The following ANGEL2 variants were observed in gnomAD, a reference collection of about 807,000 sequenced individuals.
ANGEL2 encodes RNA 2',3'-cyclic phosphatase ANGEL2.
ANGEL2 carries 41 observed loss-of-function variants against 66.0 expected under a neutral mutation model. The ratio of observed to expected loss-of-function variants is 0.62; its 90% confidence interval spans 0.48 to 0.81. The LOEUF (loss-of-function observed/expected upper bound fraction) is 0.81. Ranked by LOEUF, ANGEL2 falls within the 30% of genes least tolerant of loss-of-function variation. ANGEL2 has a pLI of 0.00. For synonymous variants in ANGEL2, 208 were observed against 226.5 expected (o/e 0.92, Z 0.73); for missense variants, 561 against 641.6 (o/e 0.87, Z 1.36).
chr1:213,011,683 T>G (rs1403197234), intron 2 of ANGEL2, among the ~76,000 whole-genome samples: 1 of 152,192 alleles, frequency 6.6e-6, no homozygotes, highest in Non-Finnish European at 1.5e-5. Flanking sequence ...AGAGGTTAAG[T>G]AAGCTGTCCA....
At chr1:213,010,027 G>A (rs1031657414) in intron 2 of ANGEL2, among the ~76,000 whole-genome samples, 16 of 149,348 alleles carry the variant, frequency 1.1e-4, no homozygotes, top group African/African-American at 3.7e-4. Flanking sequence ...CTCCAGCCTG[G>A]GCAACAAGAG....
In ANGEL2 at chr1:213,013,559, G is replaced by A. The variant is rs897146928; in HGVS notation, c.60-141C>T. The A allele has an allele frequency of 1.7e-5, 13 of 780,448 alleles. No homozygotes were observed. The Admixed American group carries it at 2.1e-4, about 13-fold the overall frequency. The allele number at this position is 780,448 out of a possible 1,614,324, so 48.3% of individuals were successfully genotyped here. Reference sequence around the variant, plus strand: ...AAATCTGTGAAGGATGAAGAGGAAAGCACCCATGATTTACCTATTGGCATC... The same window carrying A: ...AAATCTGTGAAGGATGAAGAGGAAAACACCCATGATTTACCTATTGGCATC... On this transcript the variant is annotated intron_variant, in intron 1 of 8. Transcript: ENST00000366962.
chr1:213,009,821 C>T (rs1279875807), intron 2 of ANGEL2, among the ~76,000 whole-genome samples: 1 of 152,092 alleles, frequency 6.6e-6, no homozygotes, highest in African/African-American at 2.4e-5. Context: ...GAGGCTGAGG[C>T]GGGTGGATCA....
chr1:213,015,297 C>T, intron 1 of ANGEL2: 1 of 1,287,456 alleles, frequency 7.8e-7, no homozygotes, highest in Non-Finnish European at 9.9e-7. Context: ...AGCAGGCCAG[C>T]GCTGGTCTGG....
Position 212,992,842 on chromosome 1 carries a change from GTAAT to G in ANGEL2, c.*2195_*2198del, listed in dbSNP as rs760907113. 1.3e-5 allele frequency: 2 copies of G among 152,136 alleles called. No homozygotes were observed. Among genetic ancestry groups the G allele is most frequent in the Non-Finnish European group, 2.9e-5 (2 of 68,020 alleles). The allele number at this position is 152,136 out of a possible 1,614,324, so 9.4% of individuals were successfully genotyped here. On this transcript the variant is annotated 3_prime_UTR_variant, in exon 9 of 9. Coordinates refer to ENST00000366962, the MANE Select transcript of ANGEL2 (RefSeq NM_144567.5). ...TAATAAATTCACACAACACAAAGCA[GTAAT>G]TAACTAATGAATTTTCATTTTTCTT...
intron 2 of ANGEL2, among the ~76,000 whole-genome samples, chr1:213,009,122 G>A (rs1450561857): frequency 6.6e-6 from 1 of 152,180 alleles, no homozygotes; most frequent in African/African-American, 2.4e-5. Flanking sequence ...GTAAATGATG[G>A]CTAACCAACA....
intron 3 of ANGEL2, 77 bp from the exon 4 acceptor site, chr1:213,007,275 T>C: frequency 1.7e-6 from 2 of 1,151,940 alleles, no homozygotes; most frequent in South Asian, 3.5e-5. Flanking sequence ...TCTTAAAATA[T>C]CTAAAAGCAG....
chr1:213,007,169 A>G lies in ANGEL2; in HGVS notation c.672T>C (p.Asp224=), dbSNP rs1271694471. 1.3e-6 allele frequency: 2 copies of G among 1,596,976 alleles called. No homozygotes were observed. Among genetic ancestry groups the G allele is most frequent in the African/African-American group, 2.7e-5 (2 of 73,432 alleles). Residue 224 remains aspartate (D), a synonymous_variant, in exon 4 of 9, where the codon GAT becomes GAC. Coordinates refer to ENST00000366962, the MANE Select transcript of ANGEL2 (RefSeq NM_144567.5). Reference sequence around the variant, plus strand: ...TTGGCCTGATCTCTGCTCCATAATGATCTTCTTGAACTTCTTGCAAACAAA... The same window carrying G: ...TTGGCCTGATCTCTGCTCCATAATGGTCTTCTTGAACTTCTTGCAAACAAA... ...DVLCLQEVQE[D]HYGAEIRPSL...
In ANGEL2 at chr1:213,015,750, A is replaced by G. The variant is rs1453862312; in HGVS notation, c.-79T>C. 4 of 1,596,456 alleles carry G rather than the reference A, an allele frequency of 2.5e-6. No homozygotes were observed. The highest frequency in any genetic ancestry group is 3.4e-6 in the Non-Finnish European group (4 of 1,165,428). On this transcript the variant is annotated 5_prime_UTR_variant, in exon 1 of 9. Coordinates refer to ENST00000366962, the MANE Select transcript of ANGEL2 (RefSeq NM_144567.5). ...TATAATCGATGCGACGGCCTAAAGT[A>G]TCTAGGGAACCCCATCACTCTTAAG...
rs2075925386 is a variant in ANGEL2 at position 212,993,935 on chromosome 1, C to T, written c.*1106G>A. 1 of 152,156 alleles carries T rather than the reference C, an allele frequency of 6.6e-6. No homozygotes were observed. The highest frequency in any genetic ancestry group is 2.4e-5 in the African/African-American group (1 of 41,432). The allele number at this position is 152,156 out of a possible 1,614,324, so 9.4% of individuals were successfully genotyped here. On this transcript the variant is annotated 3_prime_UTR_variant, in exon 9 of 9. Transcript: ENST00000366962. ...CCTAATAAAATAAATTTCTATAGAA[C>T]TGGTTCAGTAAAATAAAATCTCTCC...
At position 213,008,320 on chromosome 1, in the gene ANGEL2, C is replaced by G. The variant is rs768534832; in HGVS notation, c.532G>C (p.Asp178His). The change falls in exon 3 of 9, where the codon GAT (aspartate) becomes CAT (histidine). Residue 178 changes from aspartate (D) to histidine (H), a missense_variant. Physicochemically the swap from Asp to His is moderately conservative, Grantham distance 81. Coordinates refer to ENST00000366962, the MANE Select transcript of ANGEL2 (RefSeq NM_144567.5). Reference protein sequence around the residue: ...SVMSYNILSQDLLEDNSHLYR... With the variant: ...SVMSYNILSQHLLEDNSHLYR... ...AGGTGAGAGTTATCTTCCAGTAAAT[C>G]TTGTGAAAGTATATTATAGGACATC... 1.2e-6 allele frequency: 2 copies of G among 1,614,076 alleles called. No homozygotes were observed. Among genetic ancestry groups the G allele is most frequent in the African/African-American group, 2.7e-5 (2 of 74,938 alleles).
chr1:213,013,290 C>G lies in ANGEL2; in HGVS notation c.188G>C (p.Arg63Pro). The change falls in exon 2 of 9, where the codon CGA (arginine) becomes CCA (proline). Residue 63 changes from arginine to proline, a missense_variant. By Grantham distance (103) the Arg-to-Pro change is moderately radical (BLOSUM62 -2). Coordinates refer to ENST00000366962, the MANE Select transcript of ANGEL2 (RefSeq NM_144567.5). ...SCMRWPGHYS[R>P]APYPYFSSRH... ...ACTACTGAAGTATGGGTAAGGAGCT[C>G]GAGAGTAATGTCCAGGCCACCTCAT... 5 of 1,614,094 alleles carry G rather than the reference C, an allele frequency of 3.1e-6. No individual in the cohort carries two copies. The highest frequency in any genetic ancestry group is 3.4e-6 in the Non-Finnish European group (4 of 1,180,010).
chr1:213,012,599 G>A (rs1463419397), intron 2 of ANGEL2, among the ~76,000 whole-genome samples: 4 of 152,178 alleles, frequency 2.6e-5, no homozygotes, highest in African/African-American at 7.2e-5. Flanking sequence ...ATATACAGAT[G>A]TAATAAATGA....
At chr1:213,000,758 A>T (rs757752786) in intron 6 of ANGEL2, 28 bp downstream of exon 6, 2 of 1,582,156 alleles carry the variant, frequency 1.3e-6, no homozygotes, top group Admixed American at 4.1e-5. Flanking sequence ...TACCCAGCAG[A>T]CTGCCAAAAT....
chr1:212,997,189 G>A lies in ANGEL2; in HGVS notation c.1449C>T (p.Tyr483=). 6.2e-7 allele frequency: 1 copy of A among 1,613,772 alleles called. No individual in the cohort carries two copies. The highest frequency in any genetic ancestry group is 8.5e-7 in the Non-Finnish European group (1 of 1,179,736). Residue 483 remains tyrosine, a synonymous_variant, in exon 8 of 9, where the codon TAC becomes TAT. Transcript: ENST00000366962. ...CAGCAACATCTTCCTTTTCTGCAGAGTAGAAAATATAATCCACAGTTATGG... is the reference window on the plus strand; with the variant it reads ...CAGCAACATCTTCCTTTTCTGCAGAATAGAAAATATAATCCACAGTTATGG... The part of the protein sequence containing the change: ...RSAITVDYIF[Y]SAEKEDVAGH...
chr1:213,011,093 G>A (rs2076496226), intron 2 of ANGEL2: 2 of 1,067,112 alleles, frequency 1.9e-6, no homozygotes, highest in Admixed American at 2.8e-5. Context: ...TTACAGAAAT[G>A]TGTTCAAATA....
In ANGEL2 at chr1:212,995,987, A is replaced by G. The variant is rs763767312; in HGVS notation, c.1484-795T>C. ...AATCTTAAACTGCATTTTCTTCTCC[A>G]CTTTAAATCCTTTGGCTAATGTTTA... is the stretch of plus-strand genomic sequence containing the variant. On this transcript the variant is annotated intron_variant, in intron 8 of 8. Coordinates refer to ENST00000366962, the MANE Select transcript of ANGEL2 (RefSeq NM_144567.5). Among the ~76,000 whole-genome samples, 107 of 152,232 alleles carry G rather than the reference A, an allele frequency of 7.0e-4. 1 individual carries two copies. Among genetic ancestry groups the G allele is most frequent in the Admixed American group, 3.3e-4 (5 of 15,284 alleles).
intron 8 of ANGEL2, 106 bp from the exon 9 acceptor site, chr1:212,995,298 C>T: frequency 2.2e-6 from 2 of 914,664 alleles, no homozygotes; most frequent in Non-Finnish European, 3.1e-6. Flanking sequence ...GAGGCCCCTC[C>T]AGAAGACTAA....
intron 7 of ANGEL2, among the ~76,000 whole-genome samples, chr1:212,999,619 C>T (rs978181819): frequency 3.9e-5 from 6 of 152,212 alleles, no homozygotes; most frequent in Admixed American, 3.3e-4. Flanking sequence ...AACTATAAAA[C>T]AGCCACAATA....
Sources: allele counts gnomAD v4.1 joint callset (sites outside exome capture counted in the v4.1 genomes callset), GRCh38; gene constraint gnomAD v4.1.1; transcripts MANE v1.5; gene names NCBI Gene and HGNC (gene_info 2026-07-23, HGNC 2026-07-21).